Variants in LINGO2 observed in about 807,000 individuals in gnomAD.
LINGO2 encodes leucine rich repeat and Ig domain containing 2.
Under a neutral mutation model 30.6 loss-of-function variants are expected in LINGO2, and 14 were observed. The ratio of observed to expected loss-of-function variants is 0.46; its 90% CI spans 0.30 to 0.72. LINGO2 has a LOEUF of 0.72. Ranked by LOEUF, LINGO2 falls within the 30% of genes least tolerant of loss-of-function variation. The probability of loss-of-function intolerance (pLI) is 0.07; values close to 1 mark genes in which losing one functional copy is unlikely to be tolerated. For synonymous variants in LINGO2, 317 were observed against 288.5 expected, an observed-to-expected ratio of 1.10 and a Z score of -1.00; for missense variants, 729 against 751.7, an observed-to-expected ratio of 0.97 and a Z score of 0.35.
At chr9:28,337,330 A>G (rs1198989022) in intron 3 of LINGO2, among the ~76,000 whole-genome samples, 1 of 152,112 alleles carries the variant, frequency 6.6e-6, no homozygotes, top group Non-Finnish European at 1.5e-5. Context: ...ACAATTAAAC[A>G]AATCATTTTG....
intron 1 of LINGO2, among the ~76,000 whole-genome samples, chr9:28,657,322 C>T (rs1256224393): frequency 6.6e-6 from 1 of 152,030 alleles, no homozygotes; most frequent in Non-Finnish European, 1.5e-5. Flanking sequence ...AAAAGTATTA[C>T]TGTTAATTTT....
At chr9:29,176,192 T>C in the LINGO2 span, among the ~76,000 whole-genome samples, 4 of 151,924 alleles carry the variant, frequency 2.6e-5, no homozygotes, top group East Asian at 1.9e-4. Context: ...ATGAGAAAAA[T>C]TGGGCTCTGA....
the LINGO2 span, among the ~76,000 whole-genome samples, chr9:29,090,403 G>C: frequency 6.6e-6 from 1 of 151,892 alleles, no homozygotes; most frequent in African/African-American, 2.4e-5. Flanking sequence ...CGAACCCTCT[G>C]AGCAACCGTC....
chr9:28,392,167 C>T (rs1207890437), intron 2 of LINGO2, among the ~76,000 whole-genome samples: 2 of 152,202 alleles, frequency 1.3e-5, no homozygotes, highest in African/African-American at 2.4e-5. Flanking sequence ...TGTGCCACAG[C>T]GTTCCAGCCT....
At chr9:28,311,313 T>C (rs1216211158) in intron 3 of LINGO2, among the ~76,000 whole-genome samples, 1 of 152,112 alleles carries the variant, frequency 6.6e-6, no homozygotes, top group Non-Finnish European at 1.5e-5. Flanking sequence ...AAATTGCTAA[T>C]GAAGTTTTGG....
chr9:28,735,156 G>A, the LINGO2 span, among the ~76,000 whole-genome samples: 1 of 152,044 alleles, frequency 6.6e-6, no homozygotes, highest in African/African-American at 2.4e-5. Context: ...CTTGAATGAG[G>A]TATAAGATCT....
chr9:28,654,261 C>G (rs1828239149), intron 1 of LINGO2, among the ~76,000 whole-genome samples: 1 of 152,050 alleles, frequency 6.6e-6, no homozygotes, highest in African/African-American at 2.4e-5. Context: ...ATGGGTCATC[C>G]AAATCATTCC....
chr9:28,961,094 T>C, the LINGO2 span, among the ~76,000 whole-genome samples: 7 of 152,160 alleles, frequency 4.6e-5, no homozygotes, highest in African/African-American at 9.7e-5. Context: ...ATTCAGACAT[T>C]GGTAATAGTA....
intron 1 of LINGO2, among the ~76,000 whole-genome samples, chr9:28,557,099 T>G (rs927785765): frequency 2.0e-5 from 3 of 152,114 alleles, no homozygotes; most frequent in Non-Finnish European, 4.4e-5. Flanking sequence ...AAGGACTTCA[T>G]GTCTAAAACA....
intron 5 of LINGO2, among the ~76,000 whole-genome samples, chr9:27,971,394 A>AT (rs1820347852): frequency 6.6e-6 from 1 of 152,002 alleles, no homozygotes; most frequent in South Asian, 2.1e-4. Flanking sequence ...AAATTTTATT[A>AT]TTTTTTAGAT....
intron 4 of LINGO2, among the ~76,000 whole-genome samples, chr9:28,040,309 T>C (rs909607565): frequency 2.6e-5 from 4 of 152,126 alleles, no homozygotes; most frequent in Admixed American, 2.6e-4. Context: ...CGGGAAGCCT[T>C]CACTACTAAA....
chr9:28,949,161 A>T, the LINGO2 span, among the ~76,000 whole-genome samples: 6 of 152,100 alleles, frequency 3.9e-5, no homozygotes, highest in African/African-American at 1.4e-4. Context: ...AGTGGGAAAG[A>T]TCTAAAACCG....
At chr9:28,926,356 G>T in the LINGO2 span, among the ~76,000 whole-genome samples, 1 of 152,074 alleles carries the variant, frequency 6.6e-6, no homozygotes, top group African/African-American at 2.4e-5. Context: ...TCGCTTCATA[G>T]ATCAGAATAA....
chr9:28,708,144 G>C, the LINGO2 span, among the ~76,000 whole-genome samples: 1 of 151,976 alleles, frequency 6.6e-6, no homozygotes, highest in Non-Finnish European at 1.5e-5. Context: ...GTGACAATAA[G>C]AATAACCAAA....
intron 4 of LINGO2, among the ~76,000 whole-genome samples, chr9:28,276,291 G>A (rs150354354): frequency 2.0e-5 from 3 of 152,156 alleles, no homozygotes; most frequent in Admixed American, 6.5e-5. Context: ...CTATGCACAC[G>A]TTGCCTCCCA....
intron 1 of LINGO2, among the ~76,000 whole-genome samples, chr9:28,481,031 A>T (rs1051034519): frequency 6.6e-6 from 1 of 152,024 alleles, no homozygotes; most frequent in Admixed American, 6.6e-5. Context: ...AATGTTGTCA[A>T]CTCATTATCA....
intron 4 of LINGO2, among the ~76,000 whole-genome samples, chr9:28,292,815 G>A (rs1047747690): frequency 1.3e-5 from 2 of 151,728 alleles, no homozygotes; most frequent in African/African-American, 4.8e-5. Context: ...TTGTCGCCCA[G>A]GCTGGAGTGC....
At chr9:28,394,321 T>C (rs1191353666) in intron 2 of LINGO2, among the ~76,000 whole-genome samples, 1 of 152,196 alleles carries the variant, frequency 6.6e-6, no homozygotes, top group Non-Finnish European at 1.5e-5. Flanking sequence ...AGGCAAGAGA[T>C]ATGAAACGTA....
the LINGO2 span, among the ~76,000 whole-genome samples, chr9:28,780,878 T>C: frequency 6.8e-6 from 1 of 147,152 alleles, no homozygotes; most frequent in East Asian, 2.0e-4. Context: ...GTGTGTATTA[T>C]ATTGCTACTA....
Sources: allele counts gnomAD v4.1 joint callset (sites outside exome capture counted in the v4.1 genomes callset), GRCh38; gene constraint gnomAD v4.1.1; transcripts MANE v1.5; gene names NCBI Gene and HGNC (gene_info 2026-07-23, HGNC 2026-07-21).